Variants in PDGFC observed in about 807,000 individuals in gnomAD.
The protein encoded by PDGFC is platelet-derived growth factor C.
In PDGFC, 12 loss-of-function variants were observed where a neutral mutation model predicts 35.5. The observed-to-expected ratio is 0.34, with a 90% confidence interval of 0.22 to 0.55. PDGFC has a LOEUF of 0.55. Among genes scored for constraint, PDGFC ranks in the 20% least tolerant of loss-of-function variants. The pLI, the probability that PDGFC is intolerant of heterozygous loss-of-function variation, is 0.91. For missense variants in PDGFC, 322 were observed against 412.4 expected, an observed-to-expected ratio of 0.78 and a Z score of 1.90; for synonymous variants, 159 against 148.8, an observed-to-expected ratio of 1.07 and a Z score of -0.50.
intron 2 of PDGFC, among the ~76,000 whole-genome samples, chr4:156,812,751 A>C (rs143422436): frequency 6.6e-6 from 1 of 152,136 alleles, no homozygotes; most frequent in African/African-American, 2.4e-5. Context: ...ATGCTACCTA[A>C]CTCAGAGACA....
chr4:156,851,212 A>C (rs1295117439), intron 1 of PDGFC, among the ~76,000 whole-genome samples: 1 of 152,220 alleles, frequency 6.6e-6, no homozygotes, highest in Non-Finnish European at 1.5e-5. Context: ...AATGACTCTG[A>C]AAAGTAAAGC....
intron 1 of PDGFC, among the ~76,000 whole-genome samples, chr4:156,902,734 C>T (rs1317838828): frequency 6.6e-6 from 1 of 152,154 alleles, no homozygotes; most frequent in African/African-American, 2.4e-5. Flanking sequence ...TTCTATACCC[C>T]AGCCAAACCA....
intron 2 of PDGFC, among the ~76,000 whole-genome samples, chr4:156,816,518 C>A (rs1467230047): frequency 6.6e-6 from 1 of 152,062 alleles, no homozygotes; most frequent in South Asian, 2.1e-4. Flanking sequence ...TCCTATGTGA[C>A]AGACACTGTT....
intron 4 of PDGFC, chr4:156,770,609 G>C (rs930044738): frequency 6.6e-6 from 1 of 151,822 alleles, no homozygotes; most frequent in African/African-American, 2.4e-5. Context: ...TGTAAAAGTT[G>C]GTCTTCAGAT....
intron 1 of PDGFC, among the ~76,000 whole-genome samples, chr4:156,872,627 C>G (rs1014138845): frequency 6.6e-6 from 1 of 152,174 alleles, no homozygotes; most frequent in Non-Finnish European, 1.5e-5. Flanking sequence ...ATCTCTTTAA[C>G]TAGATTAGAA....
chr4:156,828,665 G>A (rs2111013300), intron 2 of PDGFC, among the ~76,000 whole-genome samples: 1 of 151,974 alleles, frequency 6.6e-6, no homozygotes, highest in African/African-American at 2.4e-5. Context: ...ATTGTATTCT[G>A]GAAATATAAT....
chr4:156,832,350 G>A (rs970254179), intron 2 of PDGFC, among the ~76,000 whole-genome samples: 1 of 149,106 alleles, frequency 6.7e-6, no homozygotes. Flanking sequence ...TCCGCCTCTC[G>A]GGTTCAAGCG....
At chr4:156,834,400 C>G (rs1415374180) in intron 2 of PDGFC, among the ~76,000 whole-genome samples, 1 of 152,132 alleles carries the variant, frequency 6.6e-6, no homozygotes, top group Non-Finnish European at 1.5e-5. Flanking sequence ...CCCAATACCT[C>G]AGCAAAAACA....
chr4:156,947,965 TA>T, intron 1 of PDGFC, among the ~76,000 whole-genome samples: 1 of 152,002 alleles, frequency 6.6e-6, no homozygotes, highest in East Asian at 2.0e-4. Flanking sequence ...CTCGATCTGC[TA>T]GTCTCAATAA....
chr4:156,876,101 T>C (rs1348881126), intron 1 of PDGFC, among the ~76,000 whole-genome samples: 1 of 152,132 alleles, frequency 6.6e-6, no homozygotes, highest in Non-Finnish European at 1.5e-5. Flanking sequence ...CTTTCTTGTA[T>C]TGAAAAACCA....
At chr4:156,954,493 AT>A (rs1732157741) in intron 1 of PDGFC, among the ~76,000 whole-genome samples, 3 of 152,016 alleles carry the variant, frequency 2.0e-5, no homozygotes, top group Admixed American at 1.3e-4. Flanking sequence ...AGGGGAAATA[AT>A]TCAAAACAAA....
intron 3 of PDGFC, among the ~76,000 whole-genome samples, chr4:156,794,392 G>A (rs1017665923): frequency 2.0e-5 from 3 of 152,054 alleles, no homozygotes; most frequent in Admixed American, 1.3e-4. Flanking sequence ...AAGCATTAGA[G>A]TAGGGAAATC....
chr4:156,853,020 T>C (rs1393261535), intron 1 of PDGFC, among the ~76,000 whole-genome samples: 1 of 152,200 alleles, frequency 6.6e-6, no homozygotes, highest in Admixed American at 6.5e-5. Flanking sequence ...GAACAAGAAT[T>C]CAGTCACGTG....
At chr4:156,892,146 T>A (rs1730530042) in intron 1 of PDGFC, among the ~76,000 whole-genome samples, 1 of 152,134 alleles carries the variant, frequency 6.6e-6, no homozygotes, top group South Asian at 2.1e-4. Context: ...ACCTAATTTT[T>A]ATAAAATGAG....
chr4:156,764,869 T>C (rs914007374), intron 5 of PDGFC, among the ~76,000 whole-genome samples: 10 of 152,138 alleles, frequency 6.6e-5, no homozygotes, highest in African/African-American at 2.4e-4. Context: ...GTAAGATAAA[T>C]TGCAATATTG....
rs760361878 is a variant in PDGFC at position 156,799,319 on chromosome 4, C to T, written c.495+11518G>A. ...CAGGACCTTTGCCCTGGGGCCAAGACACAAAGACATCTTGGAAATTCCCCC... is the reference window on the plus strand; with the variant it reads ...CAGGACCTTTGCCCTGGGGCCAAGATACAAAGACATCTTGGAAATTCCCCC... On this transcript the variant is annotated intron_variant, in intron 3 of 5. Transcript: ENST00000502773. Among the ~76,000 whole-genome samples the T allele has an allele frequency of 1.1e-4, 16 of 152,126 alleles. 1 individual carries two copies. Among genetic ancestry groups the T allele is most frequent in the Non-Finnish European group, 2.1e-4 (14 of 68,020 alleles).
intron 1 of PDGFC, among the ~76,000 whole-genome samples, chr4:156,945,343 ATATAT>A: frequency 1.5e-3 from 2 of 1,360 alleles, no homozygotes; most frequent in Non-Finnish European, 2.2e-3. Context: ...ATATACATAC[ATATAT>A]ATATATATAT....
chr4:156,895,685 A>G (rs1007188413), intron 1 of PDGFC, among the ~76,000 whole-genome samples: 1 of 152,210 alleles, frequency 6.6e-6, no homozygotes, highest in Middle Eastern at 3.4e-3. Flanking sequence ...AATAAATTCT[A>G]CCTTTAGTCC....
intron 1 of PDGFC, among the ~76,000 whole-genome samples, chr4:156,954,256 C>T (rs748549240): frequency 6.6e-5 from 10 of 151,938 alleles, no homozygotes; most frequent in Admixed American, 2.6e-4. Flanking sequence ...CTATTTAGTT[C>T]TGCCCATAAT....
Sources: gnomAD v4.1 joint callset for allele counts (sites outside exome capture counted in the v4.1 genomes callset) on GRCh38, gnomAD v4.1.1 for gene constraint, MANE v1.5 for transcripts, NCBI Gene and HGNC (gene_info 2026-07-23, HGNC 2026-07-21) for gene names.